Variants in MACF1 observed in about 807,000 individuals in gnomAD.
The protein encoded by MACF1 is microtubule actin crosslinking factor 1, also known as microtubule-actin cross-linking factor 1.
A neutral mutation model predicts 854.8 loss-of-function variants in MACF1; 193 were observed. That is an observed-to-expected ratio of 0.23 (90% CI 0.20 to 0.25). MACF1 has a LOEUF of 0.25. Ranked by LOEUF, MACF1 falls within the 10% of genes least tolerant of loss-of-function variation. The pLI is 1.00. For synonymous variants in MACF1, 3,185 were observed against 3,226.7 expected, an observed-to-expected ratio of 0.99 and a Z score of 0.44; for missense variants, 7,722 against 8,929.1, an observed-to-expected ratio of 0.86 and a Z score of 5.45.
chr1:39,101,361 A>AC (rs1386615427), intron 2 of MACF1, among the ~76,000 whole-genome samples: 1 of 105,950 alleles, frequency 9.4e-6, no homozygotes, highest in East Asian at 2.9e-4. Context: ...TGTCTCAAAA[A>AC]AAAAAAAAAT....
At chr1:39,371,565 A>C (rs573429613) in intron 51 of MACF1, among the ~76,000 whole-genome samples, 1 of 152,268 alleles carries the variant, frequency 6.6e-6, no homozygotes, top group African/African-American at 2.4e-5. Context: ...TGGAGACTTA[A>C]CGTGATGTGG....
chr1:39,248,672 A>T (rs1284174503), intron 2 of MACF1, among the ~76,000 whole-genome samples: 2 of 152,210 alleles, frequency 1.3e-5, no homozygotes, highest in Admixed American at 6.5e-5. Context: ...GAAAATTAAT[A>T]TATTAAAAAT....
rs759567508 is a variant in MACF1 at position 39,332,339 on chromosome 1, A to G, written c.5751A>G (p.Leu1917=). ...TGGATAGAGATCTTGCCAATAACTT[A>G]AAATCGATTTGTATACCTGATGTGA... ...GILDRDLANN[L]KSICIPDVMP... The change falls in exon 37 of 101, where the codon TTA becomes TTG. Residue 1917 remains leucine (L), a synonymous_variant. Coordinates refer to ENST00000564288, the MANE Select transcript of MACF1 (RefSeq NM_001394062.1). 1.9e-6 allele frequency: 3 copies of G among 1,614,106 alleles called. No homozygotes were observed. Among genetic ancestry groups the G allele is most frequent in the African/African-American group, 1.3e-5 (1 of 75,050 alleles).
intron 44 of MACF1, among the ~76,000 whole-genome samples, chr1:39,354,458 G>A (rs1647350508): frequency 6.6e-6 from 1 of 152,070 alleles, no homozygotes; most frequent in African/African-American, 2.4e-5. Flanking sequence ...AGGCTGGAGT[G>A]CAGTGGCACG....
intron 14 of MACF1, among the ~76,000 whole-genome samples, chr1:39,286,328 T>C (rs1645640716): frequency 6.6e-6 from 1 of 152,086 alleles, no homozygotes; most frequent in Non-Finnish European, 1.5e-5. Context: ...CTCATATATT[T>C]TAGAACGACC....
At chr1:39,432,506 TG>T (rs1258684879) in intron 66 of MACF1, 28 bp from the exon 67 acceptor site, 1 of 1,608,432 alleles carries the variant, frequency 6.2e-7, no homozygotes, top group Admixed American at 1.7e-5. Flanking sequence ...GTATATAATT[TG>T]TTTATTTTTC....
At chr1:39,481,258 A>G (rs769362013) in intron 99 of MACF1, among the ~76,000 whole-genome samples, 1 of 152,210 alleles carries the variant, frequency 6.6e-6, no homozygotes, top group Non-Finnish European at 1.5e-5. Context: ...CTTTATAACA[A>G]TCTTGAGAAT....
At chr1:39,113,893 A>G (rs1348643632) in intron 2 of MACF1, among the ~76,000 whole-genome samples, 1 of 152,124 alleles carries the variant, frequency 6.6e-6, no homozygotes, top group Non-Finnish European at 1.5e-5. Context: ...AAAATTAGCC[A>G]GGCATGGTGG....
rs183203583 is a variant in MACF1, at chr1:39,169,401, G to C, written c.221-61781G>C. ...GCTTGAGGTCAGGAGTCTGAGACCA[G>C]GCTAGGCAACATAGGGAAACTGTGT... is the stretch of plus-strand genomic sequence containing the variant. On this transcript the variant is annotated intron_variant, in intron 2 of 93. Transcript: ENST00000361689. 2.1e-4 allele frequency among the ~76,000 whole-genome samples: 32 copies of C among 152,270 alleles called. No homozygotes were observed. The East Asian group carries it at 3.7e-3, about 17-fold the overall frequency.
Position 39,285,608 on chromosome 1 carries a change from C to T in MACF1, c.1358C>T (p.Ala453Val). ...TLAKNTLQADAAHLESGQPVQ... is the reference protein window; with the variant it reads ...TLAKNTLQADVAHLESGQPVQ... ...TATTCTCTCTTCCTGTCTCAGGATG[C>T]TGCTCACCTGGAATCAGGACAACCG... The change falls in exon 14 of 101, where the codon GCT becomes GTT. Residue 453 changes from alanine to valine, a missense_variant. Physicochemically the swap from Ala to Val is moderately conservative, Grantham distance 64. Around this residue, in one of 15 missense-constraint regions of MACF1, gnomAD observed 1,137 missense variants for 1,263.0 expected, o/e 0.90. Coordinates refer to ENST00000564288, the MANE Select transcript of MACF1 (RefSeq NM_001394062.1). The T allele has an allele frequency of 3.7e-6, 6 of 1,612,940 alleles. No individual in the cohort carries two copies. The highest frequency in any genetic ancestry group is 5.1e-6 in the Non-Finnish European group (6 of 1,179,360).
chr1:39,223,977 GAC>G (rs144357062), intron 1 of MACF1, among the ~76,000 whole-genome samples: 246 of 152,266 alleles, frequency 1.6e-3, no homozygotes, highest in African/African-American at 5.7e-3. Context: ...TTCAGTTTTA[GAC>G]AAGTTGAGTT....
intron 58 of MACF1, among the ~76,000 whole-genome samples, chr1:39,394,264 TTGATTGATTG>T (rs1557628803): frequency 6.7e-6 from 1 of 149,196 alleles, no homozygotes; most frequent in Non-Finnish European, 1.5e-5. Context: ...GATTGATTGA[TTGATTGATTG>T]ATTTATTGCC....
intron 28 of MACF1, 67 bp from the exon 29 acceptor site, chr1:39,317,147 C>G (rs1331595252): frequency 2.0e-6 from 3 of 1,484,384 alleles, no homozygotes; most frequent in Non-Finnish European, 2.7e-6. Context: ...CCTTGTTTCC[C>G]ACCTTAGACT....
chr1:39,335,390 A>G lies in MACF1; in HGVS notation c.8802A>G (p.Glu2934=). The part of the protein sequence containing the change: ...KQSTSCLDSE[E]IRENQGEVIL... ...CTACCTCATGTCTAGATTCTGAAGA[A>G]ATAAGAGAAAATCAAGGGGAAGTGA... Residue 2934 remains glutamate, a synonymous_variant, in exon 37 of 101, where the codon GAA becomes GAG. Transcript: ENST00000564288. The G allele has an allele frequency of 6.2e-7, 1 of 1,614,168 alleles. No individual in the cohort carries two copies. The highest frequency in any genetic ancestry group is 1.1e-5 in the South Asian group (1 of 91,076).
chr1:39,183,386 T>C (rs1171315429), intron 2 of MACF1, among the ~76,000 whole-genome samples: 1 of 152,186 alleles, frequency 6.6e-6, no homozygotes, highest in Non-Finnish European at 1.5e-5. Context: ...ATAAAAATAT[T>C]AGGCTGATTT....
At chr1:39,252,925 G>A (rs915741185) in intron 4 of MACF1, among the ~76,000 whole-genome samples, 2 of 152,038 alleles carry the variant, frequency 1.3e-5, no homozygotes, top group Non-Finnish European at 2.9e-5. Context: ...CATGTGTTAG[G>A]GTACTTTTTG....
chr1:39,445,279 A>T (rs1329745468), intron 80 of MACF1, among the ~76,000 whole-genome samples: 1 of 152,238 alleles, frequency 6.6e-6, no homozygotes, highest in Non-Finnish European at 1.5e-5. Context: ...ACCTCTTCCC[A>T]CTCATCCTCA....
Position 39,434,515 on chromosome 1 carries a change from T to C in MACF1, c.17667T>C (p.Phe5889=). The C allele has an allele frequency of 3.1e-6, 5 of 1,613,978 alleles. No individual in the cohort carries two copies. Among genetic ancestry groups the C allele is most frequent in the East Asian group, 2.2e-5 (1 of 44,888 alleles). The change falls in exon 69 of 101, where the codon TTT becomes TTC. Residue 5889 remains phenylalanine, a synonymous_variant. Coordinates refer to ENST00000564288, the MANE Select transcript of MACF1 (RefSeq NM_001394062.1). ...LERAQVLVNQ[F]WETYEELSPW... ...GGGCCCAGGTCTTAGTAAACCAGTTTTGGGAAACTTATGAAGAGCTCAGCC... is the reference window on the plus strand; with the variant it reads ...GGGCCCAGGTCTTAGTAAACCAGTTCTGGGAAACTTATGAAGAGCTCAGCC...
chr1:39,265,906 A>G (rs1034398309), intron 6 of MACF1, among the ~76,000 whole-genome samples: 2 of 152,194 alleles, frequency 1.3e-5, no homozygotes, highest in Middle Eastern at 3.2e-3. Context: ...AACCTTGTCT[A>G]CAATCCCAGT....
Sources: allele counts gnomAD v4.1 joint callset (sites outside exome capture counted in the v4.1 genomes callset), GRCh38; gene constraint gnomAD v4.1.1; regional missense constraint gnomAD v4.1.1; transcripts MANE v1.5; gene names NCBI Gene and HGNC (gene_info 2026-07-23, HGNC 2026-07-21).